The following TUBA8 variants were observed in gnomAD, a reference collection of about 807,000 sequenced individuals.
The protein encoded by TUBA8 is tubulin alpha-8 chain.
TUBA8 carries 29 observed loss-of-function variants against 34.7 expected under a neutral mutation model. The ratio of observed to expected loss-of-function variants is 0.84; its 90% CI spans 0.62 to 1.14. TUBA8 has a LOEUF of 1.14. Among genes scored for constraint, TUBA8 ranks in the 50% most tolerant of loss-of-function variants. The pLI, the probability that TUBA8 is intolerant of heterozygous loss-of-function variation, is 0.00. For synonymous variants in TUBA8, 226 were observed against 231.2 expected (o/e 0.98, Z 0.21); for missense variants, 541 against 599.2 (o/e 0.90, Z 1.01).
At chr22:18,123,774 C>T (rs913407230) in intron 2 of TUBA8, 9 of 274,630 alleles carry the variant, frequency 3.3e-5, no homozygotes, top group Non-Finnish European at 5.8e-5. Flanking sequence ...GGGGTTTCAC[C>T]GTGTTGCCCA....
Position 18,118,309 on chromosome 22 carries a change from TCTAA to T in TUBA8, c.4-3164_4-3161del, listed in dbSNP as rs902654872. 5 of 152,254 alleles carry T rather than the reference TCTAA, an allele frequency of 3.3e-5. No individual in the cohort carries two copies. Among genetic ancestry groups the T allele is most frequent in the African/African-American group, 4.8e-5 (2 of 41,460 alleles). The allele number at this position is 152,254 out of a possible 1,614,324, so 9.4% of individuals were successfully genotyped here. The stretch of plus-strand genomic sequence containing the variant: ...TTCAATTAAAGAAAAAAGAGCCTTC[TCTAA>T]CTAACGGGGCTGTCTGGATAGGGAC... On this transcript the variant is annotated intron_variant, in intron 1 of 4. Coordinates refer to ENST00000330423, the MANE Select transcript of TUBA8 (RefSeq NM_018943.3). The surrounding 1 kb of genome is among the most constrained non-coding windows in gnomAD (Gnocchi z 4.0).
At chr22:18,114,896 G>A (rs1437450748) in intron 1 of TUBA8, 2 of 152,094 alleles carry the variant, frequency 1.3e-5, no homozygotes, top group African/African-American at 4.8e-5. Context: ...GCCAAGGATG[G>A]TGATTAGCTT....
rs548836548 is a variant in TUBA8, at chr22:18,110,921, G to A, written c.3+53G>A. 3.5e-5 allele frequency: 54 copies of A among 1,538,048 alleles called. No individual in the cohort carries two copies. Among genetic ancestry groups the A allele is most frequent in the Non-Finnish European group, 4.4e-5 (50 of 1,148,730 alleles). ...GCGGGCGCGCGGCAGGCGTAGGACC[G>A]AGAGCCGAGTCTACGCGGAGGCGCA... On this transcript the variant is annotated intron_variant, in intron 1 of 4. Transcript: ENST00000330423. This position sits in a 1 kb window ranked among gnomAD's most constrained non-coding sequence, Gnocchi z 6.2.
In TUBA8 at chr22:18,126,514, C is replaced by G. The variant is rs1221339666; in HGVS notation, c.536C>G (p.Thr179Ser). The change falls in exon 4 of 5, where the codon ACT (threonine) becomes AGT (serine). Residue 179 changes from threonine (T) to serine (S), a missense_variant. Physicochemically the swap from Thr to Ser is moderately conservative, Grantham distance 58. Transcript: ENST00000330423. The surrounding 1 kb of genome is among the most constrained non-coding windows in gnomAD (Gnocchi z 4.0). ...FAIYPAPQVS[T>S]AVVEPYNSIL... ...ATCTACCCAGCCCCCCAGGTCTCTACTGCAGTGGTGGAGCCCTACAACTCC... is the reference window on the plus strand; with the variant it reads ...ATCTACCCAGCCCCCCAGGTCTCTAGTGCAGTGGTGGAGCCCTACAACTCC... 6.2e-7 allele frequency: 1 copy of G among 1,614,176 alleles called. No homozygotes were observed. The highest frequency in any genetic ancestry group is 1.3e-5 in the African/African-American group (1 of 75,034).
At chr22:18,127,119 C>A in intron 4 of TUBA8, 85 bp downstream of exon 4, 2 of 1,428,918 alleles carry the variant, frequency 1.4e-6, no homozygotes, top group South Asian at 1.2e-5. Flanking sequence ...ATGGGCGCTT[C>A]AGGCTTTATG....
chr22:18,121,337 TG>T lies in TUBA8; in HGVS notation c.4-138del. Reference sequence around the variant, plus strand: ...AGTCCTGGTCCAGCTGCTATAGAGCTGGGGCACCTGCAGCCTCAACGCCAAC... The same window carrying T: ...AGTCCTGGTCCAGCTGCTATAGAGCTGGGCACCTGCAGCCTCAACGCCAAC... On this transcript the variant is annotated intron_variant, in intron 1 of 4. Transcript: ENST00000330423. The surrounding 1 kb of genome is among the most constrained non-coding windows in gnomAD (Gnocchi z 4.8). 2 of 707,522 alleles carry T rather than the reference TG, an allele frequency of 2.8e-6. No homozygotes were observed. Among genetic ancestry groups the T allele is most frequent in the South Asian group, 3.3e-5 (2 of 61,384 alleles). The allele number at this position is 707,522 out of a possible 1,614,324, so 43.8% of individuals were successfully genotyped here.
At position 18,119,864 on chromosome 22, in the gene TUBA8, C is replaced by T. The variant is rs889483138; in HGVS notation, c.4-1615C>T. ...GACTCTACTGGCTTCTGTGCCCAGC[C>T]GTGCCCTCTGGAGGCTCTGCCCCTG... On this transcript the variant is annotated intron_variant, in intron 1 of 4. Transcript: ENST00000330423. The surrounding 1 kb of genome is among the most constrained non-coding windows in gnomAD (Gnocchi z 5.9). 4 of 152,314 alleles carry T rather than the reference C, an allele frequency of 2.6e-5. No individual in the cohort carries two copies. Among genetic ancestry groups the T allele is most frequent in the African/African-American group, 4.8e-5 (2 of 41,478 alleles). 9.4% of individuals were successfully genotyped at this position (152,314 alleles called of 1,614,324 possible).
At position 18,126,954 on chromosome 22, in the gene TUBA8, A is replaced by G; in HGVS notation, c.976A>G (p.Lys326Glu). 1.2e-6 allele frequency: 2 copies of G among 1,613,600 alleles called. No homozygotes were observed. The highest frequency in any genetic ancestry group is 1.7e-6 in the Non-Finnish European group (2 of 1,179,708). Residue 326 changes from lysine (K) to glutamate (E), a missense_variant, in exon 4 of 5, where the codon AAG becomes GAG. By Grantham distance (56) the Lys-to-Glu change is moderately conservative (BLOSUM62 1). Transcript: ENST00000330423. This position sits in a 1 kb window ranked among gnomAD's most constrained non-coding sequence, Gnocchi z 4.0. The part of the protein sequence containing the change: ...CMLYRGDVVP[K>E]DVNVAIAAIK... Reference sequence around the variant, plus strand: ...GCTCTACCGGGGCGACGTGGTGCCCAAGGATGTGAATGTCGCTATTGCTGC... The same window carrying G: ...GCTCTACCGGGGCGACGTGGTGCCCGAGGATGTGAATGTCGCTATTGCTGC...
In TUBA8 at chr22:18,111,149, C is replaced by G. The variant is rs1352566035; in HGVS notation, c.3+281C>G. Reference sequence around the variant, plus strand: ...GGGAGGGAGGCCCTGGGGAGCCCGACGGAGAAGGGGGCGAGATTCTGGGGT... The same window carrying G: ...GGGAGGGAGGCCCTGGGGAGCCCGAGGGAGAAGGGGGCGAGATTCTGGGGT... On this transcript the variant is annotated intron_variant, in intron 1 of 4. Coordinates refer to ENST00000330423, the MANE Select transcript of TUBA8 (RefSeq NM_018943.3). This position sits in a 1 kb window ranked among gnomAD's most constrained non-coding sequence, Gnocchi z 5.1. 1.8e-6 allele frequency: 1 copy of G among 561,480 alleles called. No homozygotes were observed. Among genetic ancestry groups the G allele is most frequent in the Non-Finnish European group, 3.2e-6 (1 of 317,204 alleles). 34.8% of individuals were successfully genotyped at this position (561,480 alleles called of 1,614,324 possible).
In TUBA8 at chr22:18,124,026, G is replaced by C; in HGVS notation, c.227-130G>C. Reference sequence around the variant, plus strand: ...TTAGCCTTTTGCAGATTCATTACGAGGTGGTCTGGCTTCAAACCTCCATGG... The same window carrying C: ...TTAGCCTTTTGCAGATTCATTACGACGTGGTCTGGCTTCAAACCTCCATGG... On this transcript the variant is annotated intron_variant, in intron 2 of 4. Coordinates refer to ENST00000330423, the MANE Select transcript of TUBA8 (RefSeq NM_018943.3). The surrounding 1 kb of genome is among the most constrained non-coding windows in gnomAD (Gnocchi z 4.3). The C allele has an allele frequency of 6.3e-6, 7 of 1,105,910 alleles. No individual in the cohort carries two copies. Among genetic ancestry groups the C allele is most frequent in the South Asian group, 1.3e-5 (1 of 76,288 alleles). The allele number at this position is 1,105,910 out of a possible 1,614,324, so 68.5% of individuals were successfully genotyped here. A position where few individuals can be genotyped will look rare whatever the true frequency, so the allele number is the denominator to read the frequency against.
At position 18,126,277 on chromosome 22, in the gene TUBA8, G is replaced by A; in HGVS notation, c.376-77G>A. ...AAAAAATATGAGGCAGACAGAGTGG[G>A]CGGTCTGGCTTTTTTACTGTGGGGT... On this transcript the variant is annotated intron_variant, in intron 3 of 4. Transcript: ENST00000330423. The surrounding 1 kb of genome is among the most constrained non-coding windows in gnomAD (Gnocchi z 4.0). The A allele has an allele frequency of 7.3e-7, 1 of 1,369,580 alleles. No homozygotes were observed. Among genetic ancestry groups the A allele is most frequent in the South Asian group, 1.2e-5 (1 of 84,706 alleles). 84.8% of individuals were successfully genotyped at this position (1,369,580 alleles called of 1,614,324 possible).
intron 1 of TUBA8, chr22:18,120,802 C>T (rs1339286326): frequency 1.2e-4 from 19 of 152,942 alleles, no homozygotes. Flanking sequence ...TTCACATCAG[C>T]TTTACTTAAC....
At position 18,126,923 on chromosome 22, in the gene TUBA8, C is replaced by T. The variant is rs766389437; in HGVS notation, c.945C>T (p.Cys315=). ...CDPRHGKYMA[C]CMLYRGDVVP... ...CGAGACATGGCAAGTACATGGCCTG[C>T]TGCATGCTCTACCGGGGCGACGTGG... Residue 315 remains cysteine, a synonymous_variant, in exon 4 of 5, where the codon TGC becomes TGT. Coordinates refer to ENST00000330423, the MANE Select transcript of TUBA8 (RefSeq NM_018943.3). The surrounding 1 kb of genome is among the most constrained non-coding windows in gnomAD (Gnocchi z 4.0). The T allele has an allele frequency of 6.2e-7, 1 of 1,612,622 alleles. No homozygotes were observed. Among genetic ancestry groups the T allele is most frequent in the Admixed American group, 1.7e-5 (1 of 59,956 alleles).
chr22:18,127,613 TC>T (rs1376023206), intron 4 of TUBA8: 1 of 151,704 alleles, frequency 6.6e-6, no homozygotes, highest in Non-Finnish European at 1.5e-5. Context: ...CAGGATGGTC[TC>T]GATCTCCTGA....
Position 18,131,354 on chromosome 22 carries a change from A to G in TUBA8, c.*218A>G. ...TAGGAGCAGCTTTGTGTCACTAAAG[A>G]AAGTGAGGGCCACTGTCTCCGGCGG... On this transcript the variant is annotated 3_prime_UTR_variant, in exon 5 of 5. Coordinates refer to ENST00000330423, the MANE Select transcript of TUBA8 (RefSeq NM_018943.3). This position sits in a 1 kb window ranked among gnomAD's most constrained non-coding sequence, Gnocchi z 5.3. 1.7e-6 allele frequency: 1 copy of G among 575,442 alleles called. No individual in the cohort carries two copies. Among genetic ancestry groups the G allele is most frequent in the Non-Finnish European group, 3.1e-6 (1 of 322,916 alleles). The allele number at this position is 575,442 out of a possible 1,614,324, so 35.6% of individuals were successfully genotyped here.
rs1292469153 is a variant in TUBA8, at chr22:18,130,923, C to A, written c.1137C>A (p.Ser379Arg). The A allele has an allele frequency of 6.2e-7, 1 of 1,614,092 alleles. No homozygotes were observed. Among genetic ancestry groups the A allele is most frequent in the South Asian group, 1.1e-5 (1 of 91,094 alleles). The change falls in exon 5 of 5, where the codon AGC (serine) becomes AGA (arginine). Residue 379 changes from serine (S) to arginine (R), a missense_variant. By Grantham distance (110) the Ser-to-Arg change is moderately radical. Coordinates refer to ENST00000330423, the MANE Select transcript of TUBA8 (RefSeq NM_018943.3). ...TGCAGCGGGCCGTCTGCATGCTCAG[C>A]AACACCACGGCCATTGCGGAGGCCT... ...AKVQRAVCML[S>R]NTTAIAEAWA...
intron 1 of TUBA8, chr22:18,112,497 T>A (rs1927843579): frequency 6.6e-6 from 1 of 152,224 alleles, no homozygotes; most frequent in Non-Finnish European, 1.5e-5. Context: ...TGGATCTGAA[T>A]GCCATTGTGG....
At chr22:18,123,871 G>C (rs772207528) in intron 2 of TUBA8, 140 of 422,780 alleles carry the variant, frequency 3.3e-4, no homozygotes, top group Non-Finnish European at 5.6e-4. Flanking sequence ...CACTGGGCCC[G>C]GCGATGTTCG....
At position 18,111,111 on chromosome 22, in the gene TUBA8, C is replaced by G. The variant is rs924766810; in HGVS notation, c.3+243C>G. Reference sequence around the variant, plus strand: ...CTTAAAGGGACCTAAGGGAGCTTTGCGTGCAGACGAGGGGGAGGGAGGCCC... The same window carrying G: ...CTTAAAGGGACCTAAGGGAGCTTTGGGTGCAGACGAGGGGGAGGGAGGCCC... On this transcript the variant is annotated intron_variant, in intron 1 of 4. Coordinates refer to ENST00000330423, the MANE Select transcript of TUBA8 (RefSeq NM_018943.3). The surrounding 1 kb of genome is among the most constrained non-coding windows in gnomAD (Gnocchi z 5.1). 45 of 608,476 alleles carry G rather than the reference C, an allele frequency of 7.4e-5. No individual in the cohort carries two copies. The highest frequency in any genetic ancestry group is 9.7e-5 in the Non-Finnish European group (34 of 352,270). 37.7% of individuals were successfully genotyped at this position (608,476 alleles called of 1,614,324 possible).
Sources: gnomAD v4.1 joint callset for allele counts on GRCh38, gnomAD v4.1.1 for gene constraint, Gnocchi (gnomAD v3.1) non-coding constraint, MANE v1.5 for transcripts, NCBI Gene and HGNC (gene_info 2026-07-23, HGNC 2026-07-21) for gene names.